Variants in PDCD11 observed in about 807,000 individuals in gnomAD.
The protein encoded by PDCD11 is programmed cell death 11.
A neutral mutation model predicts 198.9 loss-of-function variants in PDCD11; 97 were observed. The ratio of observed to expected loss-of-function variants is 0.49; its 90% confidence interval spans 0.41 to 0.58. PDCD11 has a LOEUF of 0.58. Among genes scored for constraint, PDCD11 ranks in the 20% least tolerant of loss-of-function variants. PDCD11 has a pLI of 0.00. For missense variants in PDCD11, 2,102 were observed against 2,312.7 expected (o/e 0.91, Z 1.87); for synonymous variants, 893 against 918.0 (o/e 0.97, Z 0.49).
intron 7 of PDCD11, among the ~76,000 whole-genome samples, chr10:103,409,399 G>A (rs1343676157): frequency 6.6e-6 from 1 of 151,666 alleles, no homozygotes; most frequent in Non-Finnish European, 1.5e-5. Context: ...CAGGCTGGCA[G>A]TTCCCCAAGG....
At position 103,440,715 on chromosome 10, in the gene PDCD11, C is replaced by T; in HGVS notation, c.4441-19C>T. 6.2e-7 allele frequency: 1 copy of T among 1,613,902 alleles called. No individual in the cohort carries two copies. The highest frequency in any genetic ancestry group is 1.1e-5 in the South Asian group (1 of 91,064). On this transcript the variant is annotated intron_variant, in intron 29 of 35. Coordinates refer to ENST00000369797, the MANE Select transcript of PDCD11 (RefSeq NM_014976.2). ...CTGCAGGAGGATGCTCCTAGGCATT[C>T]TCCCACCTGGCCTCTCAGGAAAGAG...
intron 26 of PDCD11, 60 bp from the exon 27 acceptor site, chr10:103,438,626 T>C: frequency 3.7e-6 from 6 of 1,606,614 alleles, no homozygotes; most frequent in Non-Finnish European, 5.1e-6. Context: ...GCAGGTGTAT[T>C]GGGGGTGGCA....
At chr10:103,425,614 C>G in intron 20 of PDCD11, 89 bp downstream of exon 20, 1 of 1,097,408 alleles carries the variant, frequency 9.1e-7, no homozygotes, top group Admixed American at 2.4e-5. Flanking sequence ...CAAAAAGTTG[C>G]ATGTAAGTCA....
intron 21 of PDCD11, among the ~76,000 whole-genome samples, chr10:103,431,522 G>A (rs1022817261): frequency 6.6e-6 from 1 of 152,024 alleles, no homozygotes; most frequent in Non-Finnish European, 1.5e-5. Flanking sequence ...AACCTGGGGG[G>A]TGGAAGTTGC....
At chr10:103,400,085 A>G (rs1273035831) in intron 2 of PDCD11, among the ~76,000 whole-genome samples, 1 of 152,190 alleles carries the variant, frequency 6.6e-6, no homozygotes, top group Admixed American at 6.5e-5. Context: ...ATTTTCATGC[A>G]CTATTCTACA....
chr10:103,433,859 C>T (rs2032036524), intron 22 of PDCD11, 89 bp from the exon 23 acceptor site: 3 of 976,406 alleles, frequency 3.1e-6, no homozygotes, highest in East Asian at 4.8e-5. Flanking sequence ...GTACTGGGGC[C>T]CTTTCCACCT....
rs2030222882 is a variant in PDCD11 at position 103,403,195 on chromosome 10, T to C, written c.312T>C (p.Asn104=). The C allele has an allele frequency of 3.1e-6, 5 of 1,614,176 alleles. No homozygotes were observed. The East Asian group carries it at 1.1e-4, about 36-fold the overall frequency. The change falls in exon 4 of 36, where the codon AAT becomes AAC. Residue 104 remains asparagine (N), a synonymous_variant. Coordinates refer to ENST00000369797, the MANE Select transcript of PDCD11 (RefSeq NM_014976.2). ...NELELVISLP[N]GLQGFVQVTE... ...TGGAACTGGTGATTAGTCTCCCCAA[T>C]GGCCTCCAGGGCTTTGTGCAAGTCA...
At chr10:103,436,261 C>G (rs540569195) in intron 25 of PDCD11, among the ~76,000 whole-genome samples, 2 of 152,250 alleles carry the variant, frequency 1.3e-5, no homozygotes, top group African/African-American at 4.8e-5. Context: ...GTCACCATGC[C>G]TGGCTAATTT....
intron 6 of PDCD11, 25 bp downstream of exon 6, chr10:103,406,133 A>T: frequency 1.2e-6 from 2 of 1,612,454 alleles, no homozygotes; most frequent in East Asian, 4.5e-5. Flanking sequence ...AGGGGCCAGT[A>T]CATGGTGGTG....
intron 21 of PDCD11, among the ~76,000 whole-genome samples, chr10:103,429,625 A>G (rs2031842075): frequency 6.6e-6 from 1 of 152,080 alleles, no homozygotes; most frequent in African/African-American, 2.4e-5. Context: ...ACAGTAAAAA[A>G]TTACTGTAAT....
chr10:103,406,606 C>T lies in PDCD11; in HGVS notation c.689-3C>T. 2 of 1,613,384 alleles carry T rather than the reference C, an allele frequency of 1.2e-6. No homozygotes were observed. The highest frequency in any genetic ancestry group is 1.1e-5 in the South Asian group (1 of 90,952). On this transcript the variant is annotated splice_region_variant and splice_polypyrimidine_tract_variant and intron_variant, in intron 6 of 35. Transcript: ENST00000369797. ...CTTTTGGGGCCTGGGTCTGGGCTTACAGGTGCTAAACTAAAGGTGGGTCAG... is the reference window on the plus strand; with the variant it reads ...CTTTTGGGGCCTGGGTCTGGGCTTATAGGTGCTAAACTAAAGGTGGGTCAG...
rs756904814 is a variant in PDCD11, at chr10:103,403,108, T to C, written c.235-10T>C. 3 of 1,613,198 alleles carry C rather than the reference T, an allele frequency of 1.9e-6. No homozygotes were observed. The highest frequency in any genetic ancestry group is 2.5e-6 in the Non-Finnish European group (3 of 1,179,504). ...TCCTTATTGTACACATTTCACTTTT[T>C]CTCTTCTAGTCCCTGTGTGAGGGAA... On this transcript the variant is annotated splice_polypyrimidine_tract_variant and intron_variant, in intron 3 of 35. Transcript: ENST00000369797.
intron 5 of PDCD11, 36 bp from the exon 6 acceptor site, chr10:103,405,949 G>C (rs2030418964): frequency 6.2e-7 from 1 of 1,609,290 alleles, no homozygotes; most frequent in Non-Finnish European, 8.5e-7. Flanking sequence ...CATTACCTTT[G>C]AATTGGAACT....
At chr10:103,437,217 C>G (rs1298110997) in intron 25 of PDCD11, among the ~76,000 whole-genome samples, 1 of 152,248 alleles carries the variant, frequency 6.6e-6, no homozygotes, top group African/African-American at 2.4e-5. Context: ...TCGTAGCTCA[C>G]TGCAACCTCA....
In PDCD11 at chr10:103,398,536, G is replaced by A. The variant is rs761688267; in HGVS notation, c.102+8G>A. 6.4e-7 allele frequency: 1 copy of A among 1,572,278 alleles called. No individual in the cohort carries two copies. The highest frequency in any genetic ancestry group is 1.1e-5 in the South Asian group (1 of 90,212). On this transcript the variant is annotated splice_region_variant and intron_variant, in intron 2 of 35. Transcript: ENST00000369797. ...CAAGACAACTTATTTGATGTAAGTA[G>A]TATGCTTGTTTGGTGACACTCACTG...
intron 2 of PDCD11, among the ~76,000 whole-genome samples, chr10:103,399,120 T>C (rs927576660): frequency 2.0e-5 from 3 of 151,284 alleles, no homozygotes; most frequent in Non-Finnish European, 4.4e-5. Context: ...TTTTTTTTTT[T>C]TTTTTTTTTG....
chr10:103,416,564 C>G lies in PDCD11; in HGVS notation c.1592C>G (p.Pro531Arg). 2 of 1,614,216 alleles carry G rather than the reference C, an allele frequency of 1.2e-6. No homozygotes were observed. The highest frequency in any genetic ancestry group is 1.7e-6 in the Non-Finnish European group (2 of 1,180,042). ...AAAACCCTGATTGAGTCCAAACTAC[C>G]TGTCATTACCTGCTATGCCGATGCC... is the stretch of plus-strand genomic sequence containing the variant. ...LKKTLIESKL[P>R]VITCYADAKP... Residue 531 changes from proline to arginine, a missense_variant, in exon 13 of 36, where the codon CCT (proline) becomes CGT (arginine). Coordinates refer to ENST00000369797, the MANE Select transcript of PDCD11 (RefSeq NM_014976.2).
intron 12 of PDCD11, among the ~76,000 whole-genome samples, chr10:103,415,679 C>T (rs2031067362): frequency 6.6e-6 from 1 of 152,216 alleles, no homozygotes; most frequent in Admixed American, 6.5e-5. Flanking sequence ...CAGAACAATT[C>T]AGCTCTGTAT....
chr10:103,427,358 T>C lies in PDCD11; in HGVS notation c.3335T>C (p.Val1112Ala), dbSNP rs1564771081. The C allele has an allele frequency of 6.2e-7, 1 of 1,613,284 alleles. No individual in the cohort carries two copies. The highest frequency in any genetic ancestry group is 2.2e-5 in the East Asian group (1 of 44,710). Residue 1112 changes from valine (V) to alanine (A), a missense_variant, in exon 21 of 36, where the codon GTT becomes GCT. Transcript: ENST00000369797. Reference protein sequence around the residue: ...KYLPISHPRFVRTIPELSVRP... With the variant: ...KYLPISHPRFARTIPELSVRP... ...CTCCCAATAAGTCACCCCAGATTCGTTCGAACCATCCCGGAGCTGAGTGTT... is the reference window on the plus strand; with the variant it reads ...CTCCCAATAAGTCACCCCAGATTCGCTCGAACCATCCCGGAGCTGAGTGTT...
Sources: allele counts gnomAD v4.1 joint callset (sites outside exome capture counted in the v4.1 genomes callset), GRCh38; gene constraint gnomAD v4.1.1; transcripts MANE v1.5; gene names NCBI Gene and HGNC (gene_info 2026-07-23, HGNC 2026-07-21).